The following RAB43 variants were observed in gnomAD, a reference collection of about 807,000 sequenced individuals.
RAB43 encodes RAB43, member RAS oncogene family.
A neutral mutation model predicts 18.8 loss-of-function variants in RAB43; 6 were observed. That is an observed-to-expected ratio of 0.32 (90% CI 0.17 to 0.63). The LOEUF (loss-of-function observed/expected upper bound fraction) is 0.63, where lower values mean the gene tolerates loss of function less well. Ranked by LOEUF, RAB43 falls within the 30% of genes least tolerant of loss-of-function variation. The probability of loss-of-function intolerance (pLI) is 0.79; values close to 1 mark genes in which losing one functional copy is unlikely to be tolerated. For missense variants in RAB43, 195 were observed against 289.1 expected (o/e 0.67, Z 2.36); for synonymous variants, 103 against 124.1 (o/e 0.83, Z 1.13).
chr3:129,101,702 AAGGAAACTGGG>A (rs1934423354), intron 1 of RAB43, among the ~76,000 whole-genome samples: 1 of 152,218 alleles, frequency 6.6e-6, no homozygotes, highest in South Asian at 2.1e-4. Flanking sequence ...GGCCGTGAAG[AAGGAAACTGGG>A]AGGAGACACG....
Position 129,121,613 on chromosome 3 carries a change from A to T in RAB43, c.-124T>A. 1 of 754,640 alleles carries T rather than the reference A, an allele frequency of 1.3e-6. No individual in the cohort carries two copies. Among genetic ancestry groups the T allele is most frequent in the East Asian group, 3.1e-5 (1 of 32,300 alleles). 46.7% of individuals were successfully genotyped at this position (754,640 alleles called of 1,614,324 possible). A position where few individuals can be genotyped will look rare whatever the true frequency, so the allele number is the denominator to read the frequency against. ...CGCCTGGCTACGTGGAGCCGCCGCA[A>T]CACCTGAACCCCCAGCACTGCCGAC... On this transcript the variant is annotated 5_prime_UTR_variant, in exon 1 of 3. In the 5' UTR this introduces an upstream ATG that the reference lacks. Coordinates refer to ENST00000315150, the MANE Select transcript of RAB43 (RefSeq NM_198490.3).
intron 1 of RAB43, among the ~76,000 whole-genome samples, chr3:129,101,402 A>G (rs1465598759): frequency 6.6e-6 from 1 of 152,238 alleles, no homozygotes. Context: ...AACTGGGGAT[A>G]TAGCAGGGAA....
At chr3:129,104,679 G>A (rs146823985) in intron 1 of RAB43, among the ~76,000 whole-genome samples, 7 of 152,342 alleles carry the variant, frequency 4.6e-5, no homozygotes, top group East Asian at 1.9e-4. Context: ...CCTGCCCATC[G>A]CTGCCTCAGT....
At chr3:129,094,060 C>T (rs1933855828) in intron 2 of RAB43, among the ~76,000 whole-genome samples, 1 of 152,210 alleles carries the variant, frequency 6.6e-6, no homozygotes, top group Admixed American at 6.5e-5. Context: ...AGCATCCTTC[C>T]ACAGCAGCAG....
At chr3:129,105,658 T>A (rs947038022) in intron 1 of RAB43, among the ~76,000 whole-genome samples, 1 of 150,432 alleles carries the variant, frequency 6.6e-6, no homozygotes, top group Admixed American at 6.7e-5. Flanking sequence ...TGGATGCCTA[T>A]AATCCCATCT....
chr3:129,106,303 C>T (rs903680612), intron 1 of RAB43, among the ~76,000 whole-genome samples: 3 of 152,226 alleles, frequency 2.0e-5, no homozygotes, highest in African/African-American at 4.8e-5. Context: ...GTTCTCAGGA[C>T]AAACTCTGAA....
chr3:129,112,857 C>A (rs1935255998), intron 1 of RAB43, among the ~76,000 whole-genome samples: 1 of 151,528 alleles, frequency 6.6e-6, no homozygotes. Flanking sequence ...CTTAAGCAAT[C>A]CTCCCGCCTC....
intron 2 of RAB43, among the ~76,000 whole-genome samples, chr3:129,093,666 C>T (rs1933828383): frequency 6.6e-6 from 1 of 152,104 alleles, no homozygotes; most frequent in Non-Finnish European, 1.5e-5. Context: ...AAGCTCTGTT[C>T]ATGCCAAGCA....
intron 2 of RAB43, among the ~76,000 whole-genome samples, chr3:129,094,033 G>A (rs563186184): frequency 8.5e-5 from 13 of 152,296 alleles, no homozygotes; most frequent in African/African-American, 2.9e-4. Flanking sequence ...TTATATAGAA[G>A]GAAAACAAAG....
chr3:129,111,910 G>A (rs1209185232), intron 1 of RAB43, among the ~76,000 whole-genome samples: 1 of 151,518 alleles, frequency 6.6e-6, no homozygotes, highest in African/African-American at 2.4e-5. Flanking sequence ...CCATTTTTTT[G>A]GTCACGAAAT....
chr3:129,120,681 G>A (rs1407176494), intron 1 of RAB43, among the ~76,000 whole-genome samples: 2 of 152,208 alleles, frequency 1.3e-5, no homozygotes, highest in Non-Finnish European at 2.9e-5. Context: ...AACTCCAGCT[G>A]GGGGAGGGAA....
chr3:129,117,657 A>G (rs978826153), intron 1 of RAB43, among the ~76,000 whole-genome samples: 1 of 152,228 alleles, frequency 6.6e-6, no homozygotes, highest in East Asian at 1.9e-4. Context: ...CCCATTCCAC[A>G]TTCTTCTCTC....
At chr3:129,110,709 A>G (rs984481668) in intron 1 of RAB43, among the ~76,000 whole-genome samples, 4 of 152,142 alleles carry the variant, frequency 2.6e-5, no homozygotes, top group African/African-American at 7.2e-5. Context: ...TTGAGAAGTG[A>G]GAGTGGCTGC....
intron 1 of RAB43, among the ~76,000 whole-genome samples, chr3:129,108,709 A>G (rs1247458432): frequency 6.6e-6 from 1 of 152,168 alleles, no homozygotes; most frequent in African/African-American, 2.4e-5. Context: ...GCCCTATTTC[A>G]ACTGGTCTGG....
In RAB43 at chr3:129,090,395, GCAGA is replaced by G. The variant is rs1041634787; in HGVS notation, c.*697_*700del. On this transcript the variant is annotated 3_prime_UTR_variant, in exon 3 of 3. Transcript: ENST00000315150. ...TGGCAAAACACTGGGCCCTGAGCCA[GCAGA>G]CAGTCCCCACCTAGCTGTGGGCCGT... 1 of 142,854 alleles carries G rather than the reference GCAGA, an allele frequency of 7.0e-6. No individual in the cohort carries two copies. The highest frequency in any genetic ancestry group is 2.6e-5 in the African/African-American group (1 of 38,008). The allele number at this position is 142,854 out of a possible 1,614,324, so 8.8% of individuals were successfully genotyped here. A position where few individuals can be genotyped will look rare whatever the true frequency, so the allele number is the denominator to read the frequency against.
Position 129,107,480 on chromosome 3 carries a change from T to C in RAB43, c.205-12311A>G, listed in dbSNP as rs1576835377. Among the ~76,000 whole-genome samples, 1 of 151,942 alleles carries C rather than the reference T, an allele frequency of 6.6e-6. No homozygotes were observed. The highest frequency in any genetic ancestry group is 6.6e-5 in the Admixed American group (1 of 15,264). On this transcript the variant is annotated intron_variant, in intron 1 of 2. Coordinates refer to ENST00000315150, the MANE Select transcript of RAB43 (RefSeq NM_198490.3). This position sits in a 1 kb window ranked among gnomAD's most constrained non-coding sequence, Gnocchi z 4.2. ...ACCAGCCTGCTGCCACCCAAACACC[T>C]TGCTTGCTTGCAGGCTCCTTTCAGC... is the stretch of plus-strand genomic sequence containing the variant.
intron 2 of RAB43, among the ~76,000 whole-genome samples, chr3:129,093,900 C>T (rs1171539625): frequency 6.6e-6 from 1 of 152,176 alleles, no homozygotes; most frequent in Admixed American, 6.5e-5. Context: ...GATCACGCCA[C>T]GGCACTCCAG....
rs1485154629 is a variant in RAB43 at position 129,094,892 on chromosome 3, T to G, written c.388+94A>C. On this transcript the variant is annotated intron_variant, in intron 2 of 2. Transcript: ENST00000315150. ...GGCTCAAACTCTGGCTGGGACTCCC[T>G]CTGAACTCAGGGTTACACTGTGTTT... is the stretch of plus-strand genomic sequence containing the variant. The G allele has an allele frequency of 4.7e-6, 7 of 1,491,752 alleles. No individual in the cohort carries two copies. The East Asian group carries it at 1.6e-4, about 34-fold the overall frequency. The allele number at this position is 1,491,752 out of a possible 1,614,324, so 92.4% of individuals were successfully genotyped here.
At chr3:129,116,704 T>C (rs1483579773) in intron 1 of RAB43, among the ~76,000 whole-genome samples, 2 of 152,142 alleles carry the variant, frequency 1.3e-5, no homozygotes, top group East Asian at 3.9e-4. Flanking sequence ...TTTACCTCTA[T>C]GAAGGAGAGA....
Sources: allele counts gnomAD v4.1 joint callset (sites outside exome capture counted in the v4.1 genomes callset), GRCh38; gene constraint gnomAD v4.1.1; non-coding constraint Gnocchi (gnomAD v3.1); transcripts MANE v1.5; gene names NCBI Gene and HGNC (gene_info 2026-07-23, HGNC 2026-07-21).